The following TNNI3K variants were observed in gnomAD, a reference collection of about 807,000 sequenced individuals.
TNNI3K encodes the protein TNNI3 interacting kinase, also known as serine/threonine-protein kinase TNNI3K.
A neutral mutation model predicts 114.5 loss-of-function variants in TNNI3K; 140 were observed. That is an observed-to-expected ratio of 1.22 (90% CI 1.07 to 1.41). The LOEUF is 1.41. Among genes scored for constraint, TNNI3K ranks in the 40% most tolerant of loss-of-function variants. The probability of loss-of-function intolerance (pLI) is 0.00; values close to 1 mark genes in which losing one functional copy is unlikely to be tolerated. For synonymous variants in TNNI3K, 347 were observed against 347.5 expected, an observed-to-expected ratio of 1.00 and a Z score of 0.02; for missense variants, 1,125 against 1,007.6, an observed-to-expected ratio of 1.12 and a Z score of -1.58.
chr1:74,250,179 A>G (rs1440811686), intron 3 of TNNI3K, among the ~76,000 whole-genome samples: 3 of 152,200 alleles, frequency 2.0e-5, no homozygotes, highest in African/African-American at 7.2e-5. Flanking sequence ...AACTCTAACC[A>G]TATTCCTTAA....
chr1:74,499,797 T>A (rs1375532238), intron 23 of TNNI3K, among the ~76,000 whole-genome samples: 2 of 152,158 alleles, frequency 1.3e-5, no homozygotes, highest in East Asian at 1.9e-4. Context: ...CATTTTTGCA[T>A]TTATTTAGAT....
At chr1:74,486,471 A>G (rs925920039) in intron 21 of TNNI3K, among the ~76,000 whole-genome samples, 1 of 149,930 alleles carries the variant, frequency 6.7e-6, no homozygotes. Context: ...GTAGTCAAAC[A>G]TCATCACTTT....
At chr1:74,442,779 C>T (rs1666433260) in intron 20 of TNNI3K, among the ~76,000 whole-genome samples, 3 of 152,122 alleles carry the variant, frequency 2.0e-5, no homozygotes, top group Admixed American at 2.0e-4. Flanking sequence ...CACTCCTAAG[C>T]CAATGCAAAA....
At chr1:74,372,186 T>C (rs1662650232) in intron 17 of TNNI3K, 1 of 151,456 alleles carries the variant, frequency 6.6e-6, no homozygotes, top group Non-Finnish European at 1.5e-5. Flanking sequence ...CCTTGTTCTT[T>C]AATCAAAAAT....
At chr1:74,251,735 C>A (rs1305532081) in intron 4 of TNNI3K, among the ~76,000 whole-genome samples, 1 of 152,186 alleles carries the variant, frequency 6.6e-6, no homozygotes, top group Non-Finnish European at 1.5e-5. Flanking sequence ...TCTCCCTCCC[C>A]CAACTGCTAG....
intron 23 of TNNI3K, among the ~76,000 whole-genome samples, chr1:74,515,308 T>C (rs913209854): frequency 1.3e-5 from 2 of 152,170 alleles, no homozygotes; most frequent in East Asian, 3.9e-4. Flanking sequence ...CTGAGGGTCA[T>C]AGTCATGTTA....
At chr1:74,367,443 A>C in intron 12 of TNNI3K, 101 bp downstream of exon 12, 1 of 1,282,984 alleles carries the variant, frequency 7.8e-7, no homozygotes, top group Non-Finnish European at 1.1e-6. Context: ...GTTAGGGAGG[A>C]GGGCATAGCC....
intron 21 of TNNI3K, chr1:74,480,691 TA>T (rs1186688231): frequency 1.4e-6 from 1 of 717,268 alleles, no homozygotes; most frequent in East Asian, 2.7e-5. Context: ...AAGACCCTCG[TA>T]GGGTGCGGAG....
At chr1:74,417,708 G>A (rs974270236) in intron 17 of TNNI3K, among the ~76,000 whole-genome samples, 1 of 150,822 alleles carries the variant, frequency 6.6e-6, no homozygotes, top group African/African-American at 2.4e-5. Flanking sequence ...GTGTGTGTGT[G>A]TGTGTGTGTG....
intron 17 of TNNI3K, among the ~76,000 whole-genome samples, chr1:74,415,511 A>T (rs1665073241): frequency 6.6e-6 from 1 of 152,004 alleles, no homozygotes. Flanking sequence ...TTCACCTGTT[A>T]TGTTTATTTG....
chr1:74,405,471 A>G (rs1239705925), intron 17 of TNNI3K, among the ~76,000 whole-genome samples: 5 of 152,210 alleles, frequency 3.3e-5, no homozygotes, highest in African/African-American at 1.2e-4. Context: ...GTGATAAGCA[A>G]TGATCTAAGT....
intron 2 of TNNI3K, among the ~76,000 whole-genome samples, chr1:74,245,220 C>A (rs974662452): frequency 2.6e-5 from 4 of 152,156 alleles, no homozygotes; most frequent in African/African-American, 9.7e-5. Context: ...CTGCCTGAAG[C>A]AAAGTTCTCT....
chr1:74,256,283 CTTTTTTTTTTT>C lies in TNNI3K; in HGVS notation c.333+5537_333+5547del, dbSNP rs61636791. Among the ~76,000 whole-genome samples the C allele has an allele frequency of 2.6e-3, 111 of 42,794 alleles. No homozygotes were observed. The South Asian group carries it at 0.041, about 16-fold the overall frequency. The allele number at this position is 42,794 out of a possible 152,430, so 28.1% of individuals were successfully genotyped here. ...CTTTCCGGCACTTGGTGTGGTCAGT[CTTTTTTTTTTT>C]TTTTTTTTTTTTTTTTTTTTTTGGC... On this transcript the variant is annotated intron_variant, in intron 4 of 24. Transcript: ENST00000326637.
chr1:74,418,756 A>AC (rs1665255695), intron 17 of TNNI3K, among the ~76,000 whole-genome samples: 1 of 151,886 alleles, frequency 6.6e-6, no homozygotes, highest in Admixed American at 6.6e-5. Flanking sequence ...GAAAAAAAAA[A>AC]CACATAAAAA....
At chr1:74,426,545 A>G (rs1054879116) in intron 17 of TNNI3K, among the ~76,000 whole-genome samples, 19 of 152,064 alleles carry the variant, frequency 1.2e-4, no homozygotes, top group Non-Finnish European at 5.9e-5. Context: ...GAAACTTGGC[A>G]CACAAAATGT....
intron 9 of TNNI3K, among the ~76,000 whole-genome samples, chr1:74,352,865 T>C (rs1446386477): frequency 1.3e-5 from 2 of 152,194 alleles, no homozygotes; most frequent in African/African-American, 4.8e-5. Context: ...GTGCTGTCTG[T>C]CACCCCTTTC....
chr1:74,438,751 T>C (rs1002980463), intron 19 of TNNI3K, among the ~76,000 whole-genome samples: 1 of 152,110 alleles, frequency 6.6e-6, no homozygotes, highest in Non-Finnish European at 1.5e-5. Context: ...AATGTGAAAT[T>C]ACAAATGAAA....
At chr1:74,396,944 T>G (rs1664114456) in intron 17 of TNNI3K, among the ~76,000 whole-genome samples, 1 of 152,052 alleles carries the variant, frequency 6.6e-6, no homozygotes, top group Admixed American at 6.6e-5. Flanking sequence ...GACTGATGGA[T>G]GGAATGAGAA....
rs767250986 is a variant in TNNI3K at position 74,249,453 on chromosome 1, T to C, written c.150-6T>C. On this transcript the variant is annotated splice_polypyrimidine_tract_variant and splice_region_variant and intron_variant, in intron 2 of 24. Coordinates refer to ENST00000326637, the MANE Select transcript of TNNI3K (RefSeq NM_015978.3). ...TTTGTGATCATCTGTAACATGTTTT[T>C]TTCAGCTCTGATGAAGCCTTCAGTA... is the stretch of plus-strand genomic sequence containing the variant. 1 of 1,610,904 alleles carries C rather than the reference T, an allele frequency of 6.2e-7. No homozygotes were observed. The highest frequency in any genetic ancestry group is 1.1e-5 in the South Asian group (1 of 90,278).
Sources: gnomAD v4.1 joint callset for allele counts (sites outside exome capture counted in the v4.1 genomes callset) on GRCh38, gnomAD v4.1.1 for gene constraint, MANE v1.5 for transcripts, NCBI Gene and HGNC (gene_info 2026-07-23, HGNC 2026-07-21) for gene names.